Variants in RSPRY1 observed in about 807,000 individuals in gnomAD.
The protein encoded by RSPRY1 is ring finger and SPRY domain containing 1.
A neutral mutation model predicts 73.1 loss-of-function variants in RSPRY1; 23 were observed. That is an observed-to-expected ratio of 0.31 (90% CI 0.23 to 0.45). The LOEUF is 0.45. Among genes scored for constraint, RSPRY1 ranks in the 20% least tolerant of loss-of-function variants. The pLI, the probability that RSPRY1 is intolerant of heterozygous loss-of-function variation, is 1.00. For missense variants in RSPRY1, 448 were observed against 698.7 expected, an observed-to-expected ratio of 0.64 and a Z score of 4.05; for synonymous variants, 226 against 251.4, an observed-to-expected ratio of 0.90 and a Z score of 0.95.
intron 10 of RSPRY1, among the ~76,000 whole-genome samples, chr16:57,225,164 G>A (rs1435137095): frequency 4.6e-5 from 7 of 152,236 alleles, no homozygotes; most frequent in Non-Finnish European, 8.8e-5. Flanking sequence ...AGGTTCAGGC[G>A]ATTCTTGTGC....
chr16:57,199,895 G>GTTTTT (rs61132783), intron 1 of RSPRY1, among the ~76,000 whole-genome samples: 87 of 106,052 alleles, frequency 8.2e-4, no homozygotes, highest in Middle Eastern at 5.9e-3. Context: ...TTTTTTGTTT[G>GTTTTT]TTTTTTTTTT....
In RSPRY1 at chr16:57,231,309, A is replaced by G; in HGVS notation, c.1519A>G (p.Ile507Val). 6.2e-7 allele frequency: 1 copy of G among 1,612,424 alleles called. No homozygotes were observed. Among genetic ancestry groups the G allele is most frequent in the Non-Finnish European group, 8.5e-7 (1 of 1,179,404 alleles). ...CTTCCTAACAGCTGAAGAAAAAATCATTTTGCCAAGGTAAGGAATCTGCCC... is the reference window on the plus strand; with the variant it reads ...CTTCCTAACAGCTGAAGAAAAAATCGTTTTGCCAAGGTAAGGAATCTGCCC... Reference protein sequence around the residue: ...YAFLTAEEKIILPRHRRLALL... With the variant: ...YAFLTAEEKIVLPRHRRLALL... The change falls in exon 13 of 15, where the codon ATT becomes GTT. Residue 507 changes from isoleucine to valine, a missense_variant. Coordinates refer to ENST00000394420, the MANE Select transcript of RSPRY1 (RefSeq NM_133368.3).
intron 13 of RSPRY1, 23 bp downstream of exon 13, chr16:57,231,342 C>T (rs2146371461): frequency 6.3e-7 from 1 of 1,586,502 alleles, no homozygotes; most frequent in South Asian, 1.1e-5. Context: ...CCCAGGCTAT[C>T]TCCAGACTTT....
At chr16:57,202,734 C>CATT (rs1466580838) in intron 1 of RSPRY1, among the ~76,000 whole-genome samples, 7 of 152,086 alleles carry the variant, frequency 4.6e-5, no homozygotes, top group Non-Finnish European at 1.0e-4. Flanking sequence ...TTGGCCCAGC[C>CATT]ATTGCTGTCT....
At chr16:57,188,804 C>T (rs533774844) in intron 1 of RSPRY1, among the ~76,000 whole-genome samples, 9 of 152,268 alleles carry the variant, frequency 5.9e-5, no homozygotes, top group Admixed American at 5.2e-4. Context: ...GCGTGAGCCA[C>T]TGTGTCTGCC....
At position 57,216,112 on chromosome 16, in the gene RSPRY1, A is replaced by G. The variant is rs754756262; in HGVS notation, c.708A>G (p.Leu236=). 2 of 1,595,906 alleles carry G rather than the reference A, an allele frequency of 1.3e-6. No individual in the cohort carries two copies. The highest frequency in any genetic ancestry group is 1.7e-6 in the Non-Finnish European group (2 of 1,169,600). The change falls in exon 7 of 15, where the codon TTA becomes TTG. Residue 236 remains leucine (L), a synonymous_variant. Transcript: ENST00000394420. The part of the protein sequence containing the change: ...ILEYLLQCLK[L]QSHPTVMLFA... Reference sequence around the variant, plus strand: ...TATCTTTTGTTGTTTTTCAGAAGTTACAGTCCCACCCCACAGTCATGCTTT... The same window carrying G: ...TATCTTTTGTTGTTTTTCAGAAGTTGCAGTCCCACCCCACAGTCATGCTTT...
At chr16:57,230,063 T>G (rs1364375969) in intron 11 of RSPRY1, among the ~76,000 whole-genome samples, 1 of 128,628 alleles carries the variant, frequency 7.8e-6, no homozygotes, top group African/African-American at 3.0e-5. Flanking sequence ...CAGGCTGGAG[T>G]GCAATGGCAT....
chr16:57,229,559 C>T (rs1230717994), intron 11 of RSPRY1, among the ~76,000 whole-genome samples: 3 of 151,920 alleles, frequency 2.0e-5, no homozygotes, highest in Non-Finnish European at 4.4e-5. Flanking sequence ...TTTGAGGCTG[C>T]AGTGAGCTAG....
At chr16:57,221,593 A>G (rs540229021) in intron 10 of RSPRY1, among the ~76,000 whole-genome samples, 178 bp downstream of exon 10, 1 of 152,340 alleles carries the variant, frequency 6.6e-6, no homozygotes, top group South Asian at 2.1e-4. Context: ...GAAATAGGAA[A>G]ACAAGTGAAA....
chr16:57,227,636 G>A (rs1318516130), intron 11 of RSPRY1, among the ~76,000 whole-genome samples, 183 bp downstream of exon 11: 1 of 152,226 alleles, frequency 6.6e-6, no homozygotes, highest in Non-Finnish European at 1.5e-5. Context: ...CTCTGGTGGA[G>A]TTCTTCCTGT....
intron 1 of RSPRY1, among the ~76,000 whole-genome samples, chr16:57,196,892 T>G (rs927623682): frequency 6.6e-6 from 1 of 152,222 alleles, no homozygotes; most frequent in Non-Finnish European, 1.5e-5. Flanking sequence ...TTATTTCATT[T>G]AATCCCCACA....
chr16:57,199,603 GA>G (rs2074522582), intron 1 of RSPRY1, among the ~76,000 whole-genome samples: 1 of 152,248 alleles, frequency 6.6e-6, no homozygotes, highest in Non-Finnish European at 1.5e-5. Flanking sequence ...AGGTAGAGCA[GA>G]AGAGGAACTT....
chr16:57,223,504 G>A (rs565504201), intron 10 of RSPRY1, among the ~76,000 whole-genome samples: 1 of 152,316 alleles, frequency 6.6e-6, no homozygotes, highest in South Asian at 2.1e-4. Context: ...TTTTGGCCAG[G>A]CGCAGTGGCT....
chr16:57,202,904 A>G (rs955612093), intron 1 of RSPRY1, among the ~76,000 whole-genome samples: 4 of 141,886 alleles, frequency 2.8e-5, no homozygotes, highest in Non-Finnish European at 6.1e-5. Context: ...ATATATATAT[A>G]TATCTGAAGA....
chr16:57,201,827 T>C lies in RSPRY1; in HGVS notation c.-155-2677T>C, dbSNP rs1597870755. 2.6e-5 allele frequency among the ~76,000 whole-genome samples: 4 copies of C among 151,898 alleles called. No individual in the cohort carries two copies. In the South Asian group the frequency reaches 8.3e-4, roughly 32 times the overall value. ...TACGAAAACCAGTCAGGCGTGGCGG[T>C]GCGCGCCTGCAATCGCAGGCACTCG... On this transcript the variant is annotated intron_variant, in intron 1 of 14. Transcript: ENST00000394420.
intron 10 of RSPRY1, among the ~76,000 whole-genome samples, chr16:57,221,743 T>A (rs180923403): frequency 1.8e-3 from 271 of 152,340 alleles, no homozygotes; most frequent in South Asian, 5.4e-3. Flanking sequence ...CAGGAAGTAG[T>A]GCTGATTATT....
chr16:57,232,912 G>T (rs2075247375), intron 13 of RSPRY1, among the ~76,000 whole-genome samples: 1 of 152,214 alleles, frequency 6.6e-6, no homozygotes, highest in South Asian at 2.1e-4. Flanking sequence ...ATAGTTGTCA[G>T]GAGCCTAACT....
intron 2 of RSPRY1, chr16:57,207,683 GAGGTAA>G: frequency 2.2e-6 from 1 of 461,904 alleles, no homozygotes; most frequent in Non-Finnish European, 4.3e-6. Flanking sequence ...GCATTTCTCT[GAGGTAA>G]GTATGAAGGT....
At chr16:57,220,625 G>T in intron 8 of RSPRY1, 107 bp from the exon 9 acceptor site, 1 of 572,400 alleles carries the variant, frequency 1.7e-6, no homozygotes, top group Non-Finnish European at 3.2e-6. Flanking sequence ...TTTCCATTTT[G>T]GATGCCCTTT....
Sources: gnomAD v4.1 joint callset for allele counts (sites outside exome capture counted in the v4.1 genomes callset) on GRCh38, gnomAD v4.1.1 for gene constraint, MANE v1.5 for transcripts, NCBI Gene and HGNC (gene_info 2026-07-23, HGNC 2026-07-21) for gene names.